The following FHIT variants were observed in gnomAD, a reference collection of about 807,000 sequenced individuals.
FHIT encodes fragile histidine triad diadenosine triphosphatase.
Under a neutral mutation model 17.9 loss-of-function variants are expected in FHIT, and 19 were observed. The ratio of observed to expected loss-of-function variants is 1.06; its 90% CI spans 0.74 to 1.56. FHIT has a LOEUF of 1.56. Among genes scored for constraint, FHIT ranks in the 40% most tolerant of loss-of-function variants. The probability of loss-of-function intolerance (pLI) is 0.00; values close to 1 mark genes in which losing one functional copy is unlikely to be tolerated. For missense variants in FHIT, 248 were observed against 189.2 expected (o/e 1.31, Z -1.82); for synonymous variants, 81 against 69.7 (o/e 1.16, Z -0.81).
Position 61,122,162 on chromosome 3 carries a change from G to C in FHIT, c.-164+78455C>G, listed in dbSNP as rs140838407. 5.8e-3 allele frequency among the ~76,000 whole-genome samples: 882 copies of C among 152,242 alleles called. 10 individuals are homozygous for C. The highest frequency in any genetic ancestry group is 0.02 in the African/African-American group (823 of 41,538). On this transcript the variant is annotated intron_variant, in intron 2 of 9. Coordinates refer to ENST00000492590, the MANE Select transcript of FHIT (RefSeq NM_002012.4). Reference sequence around the variant, plus strand: ...GTACTGGTACCAAAACAGAGATATAGACCAATGGAACAGAACAGAGCCCTC... The same window carrying C: ...GTACTGGTACCAAAACAGAGATATACACCAATGGAACAGAACAGAGCCCTC...
chr3:59,989,212 C>A (rs923607756), intron 7 of FHIT, among the ~76,000 whole-genome samples: 1 of 152,028 alleles, frequency 6.6e-6, no homozygotes. Context: ...GGCTCCTCTG[C>A]CCTCACTTTA....
intron 7 of FHIT, among the ~76,000 whole-genome samples, chr3:59,966,678 A>G (rs1186250151): frequency 2.0e-5 from 3 of 152,194 alleles, no homozygotes; most frequent in African/African-American, 7.2e-5. Flanking sequence ...GGTATAAAAG[A>G]TAAGAAATAT....
intron 5 of FHIT, among the ~76,000 whole-genome samples, chr3:60,260,174 G>A (rs1706218419): frequency 1.3e-5 from 2 of 152,034 alleles, no homozygotes; most frequent in Non-Finnish European, 2.9e-5. Context: ...GGAAGATCTA[G>A]CAAAACCATC....
At chr3:60,968,933 A>G (rs1709876735) in intron 3 of FHIT, among the ~76,000 whole-genome samples, 1 of 152,032 alleles carries the variant, frequency 6.6e-6, no homozygotes, top group Non-Finnish European at 1.5e-5. Flanking sequence ...TGATAATGAT[A>G]TATTATTCTT....
At chr3:60,594,896 T>C (rs1454966361) in intron 4 of FHIT, among the ~76,000 whole-genome samples, 1 of 152,126 alleles carries the variant, frequency 6.6e-6, no homozygotes, top group Non-Finnish European at 1.5e-5. Flanking sequence ...TTTCTGTAGA[T>C]GAACTGTTTC....
At chr3:60,614,457 A>T (rs1336090174) in intron 4 of FHIT, among the ~76,000 whole-genome samples, 2 of 152,130 alleles carry the variant, frequency 1.3e-5, no homozygotes, top group Non-Finnish European at 2.9e-5. Flanking sequence ...TACACAAATT[A>T]TCTGGGCATG....
chr3:60,303,195 T>C (rs1708519907), intron 5 of FHIT, among the ~76,000 whole-genome samples: 1 of 152,174 alleles, frequency 6.6e-6, no homozygotes, highest in Non-Finnish European at 1.5e-5. Flanking sequence ...TGACAGAGGC[T>C]ATCAGAAGAA....
At chr3:59,855,939 C>G (rs9835872) in intron 8 of FHIT, among the ~76,000 whole-genome samples, 2,583 of 106,500 alleles carry the variant, frequency 0.024, 75 homozygotes, top group African/African-American at 0.12. Flanking sequence ...CGCCACCACG[C>G]CCGGCTAATT....
intron 1 of FHIT, among the ~76,000 whole-genome samples, chr3:61,222,060 T>C (rs536774183): frequency 5.3e-5 from 8 of 152,328 alleles, no homozygotes; most frequent in South Asian, 2.1e-4. Context: ...GCAACGTCAC[T>C]GCGGAGAGGG....
intron 3 of FHIT, among the ~76,000 whole-genome samples, chr3:60,853,202 T>C (rs1323323531): frequency 6.6e-6 from 1 of 152,146 alleles, no homozygotes; most frequent in Non-Finnish European, 1.5e-5. Flanking sequence ...GAATCATGTA[T>C]GATGGTGTTT....
At chr3:60,111,762 G>A (rs949494213) in intron 5 of FHIT, among the ~76,000 whole-genome samples, 1 of 152,164 alleles carries the variant, frequency 6.6e-6, no homozygotes, top group Admixed American at 6.5e-5. Flanking sequence ...CTCTAGACTA[G>A]CTCTTGTCCT....
intron 5 of FHIT, among the ~76,000 whole-genome samples, chr3:60,139,966 A>G (rs989795794): frequency 6.6e-6 from 1 of 152,058 alleles, no homozygotes; most frequent in Non-Finnish European, 1.5e-5. Flanking sequence ...TACTAAAAAT[A>G]CAAAAATTAG....
chr3:59,935,109 G>C (rs186502401), intron 7 of FHIT, among the ~76,000 whole-genome samples: 2 of 152,274 alleles, frequency 1.3e-5, no homozygotes, highest in East Asian at 3.9e-4. Context: ...TTCCTGTTCA[G>C]TTAGACATGC....
At position 60,081,785 on chromosome 3, in the gene FHIT, G is replaced by T. The variant is rs143995116; in HGVS notation, c.104-67633C>A. On this transcript the variant is annotated intron_variant, in intron 5 of 9. Transcript: ENST00000492590. ...ATATATACAGGACCCTAATCAGAGA[G>T]AGTGCCAGGAATAACAGCCATGCAT... 4.6e-5 allele frequency among the ~76,000 whole-genome samples: 7 copies of T among 152,194 alleles called. No homozygotes were observed. The East Asian group carries it at 1.4e-3, about 29-fold the overall frequency.
chr3:60,765,224 T>C (rs1294217330), intron 4 of FHIT, among the ~76,000 whole-genome samples: 1 of 152,206 alleles, frequency 6.6e-6, no homozygotes, highest in African/African-American at 2.4e-5. Context: ...TCTAGAATGA[T>C]GTTACCTTGA....
chr3:59,936,693 A>T (rs1182412169), intron 7 of FHIT, among the ~76,000 whole-genome samples: 1 of 152,134 alleles, frequency 6.6e-6, no homozygotes, highest in Non-Finnish European at 1.5e-5. Flanking sequence ...CCAAAGGGGA[A>T]AAAATGTTAA....
intron 5 of FHIT, among the ~76,000 whole-genome samples, chr3:60,191,679 T>G (rs564531107): frequency 5.1e-4 from 77 of 152,242 alleles, no homozygotes; most frequent in African/African-American, 1.8e-3. Flanking sequence ...AGTGAGGACA[T>G]TGAAAAGAAT....
chr3:61,183,013 C>A (rs534862136), intron 2 of FHIT, among the ~76,000 whole-genome samples: 2 of 152,184 alleles, frequency 1.3e-5, no homozygotes, highest in Non-Finnish European at 2.9e-5. Context: ...CAGTGCAAAA[C>A]AAATGCCAGT....
At chr3:60,746,836 A>G (rs1360209998) in intron 4 of FHIT, among the ~76,000 whole-genome samples, 2 of 152,174 alleles carry the variant, frequency 1.3e-5, no homozygotes, top group Non-Finnish European at 2.9e-5. Flanking sequence ...GTTTTAGTAT[A>G]TAAGAAATAC....
Sources: gnomAD v4.1 joint callset for allele counts (sites outside exome capture counted in the v4.1 genomes callset) on GRCh38, gnomAD v4.1.1 for gene constraint, MANE v1.5 for transcripts, NCBI Gene and HGNC (gene_info 2026-07-23, HGNC 2026-07-21) for gene names.